RGS6: variants seen among roughly 807,000 people sequenced by gnomAD.
RGS6 encodes the protein regulator of G-protein signaling 6.
Under a neutral mutation model 78.5 loss-of-function variants are expected in RGS6, and 30 were observed. The observed-to-expected ratio is 0.38, with a 90% CI of 0.29 to 0.52. The LOEUF (loss-of-function observed/expected upper bound fraction) is 0.52. Ranked by LOEUF, RGS6 falls within the 20% of genes least tolerant of loss-of-function variation. The probability of loss-of-function intolerance (pLI) is 0.85; values close to 1 mark genes in which losing one functional copy is unlikely to be tolerated. For synonymous variants in RGS6, 206 were observed against 206.0 expected (o/e 1.00, Z 0.00); for missense variants, 495 against 609.7 (o/e 0.81, Z 1.98).
intron 2 of RGS6, among the ~76,000 whole-genome samples, chr14:72,160,656 T>G (rs1029328035): frequency 7.2e-5 from 11 of 152,286 alleles, no homozygotes; most frequent in Non-Finnish European, 1.6e-4. Flanking sequence ...GGTTGTTGTC[T>G]TTACAAGAAG....
intron 3 of RGS6, among the ~76,000 whole-genome samples, chr14:72,414,828 G>T (rs534662407): frequency 1.3e-5 from 2 of 152,336 alleles, no homozygotes; most frequent in East Asian, 1.9e-4. Flanking sequence ...TCCAGAGCCT[G>T]TTTACCTGCG....
chr14:72,337,629 G>A (rs539871836), intron 2 of RGS6, among the ~76,000 whole-genome samples: 273 of 152,258 alleles, frequency 1.8e-3, no homozygotes, highest in Admixed American at 4.0e-3. Flanking sequence ...ATGGGGCTGG[G>A]CCCAGGGGTT....
chr14:72,293,815 C>G (rs1290196226), intron 2 of RGS6, among the ~76,000 whole-genome samples: 2 of 152,216 alleles, frequency 1.3e-5, no homozygotes, highest in East Asian at 3.8e-4. Flanking sequence ...CGTATAGTCT[C>G]TGTAGCAACT....
At chr14:72,279,210 G>C (rs1158773774) in intron 2 of RGS6, among the ~76,000 whole-genome samples, 1 of 151,938 alleles carries the variant, frequency 6.6e-6, no homozygotes, top group Non-Finnish European at 1.5e-5. Context: ...GAACCTGTGA[G>C]GTTGGACTGA....
In RGS6 at chr14:72,038,530, G is replaced by GT. The variant is rs528985355; in HGVS notation, c.84+73662dup. ...TATCTTCCAATTTTGAACATAGTAT[G>GT]TTTTTTTCATTTATTTAGGTCCTCT... is the stretch of plus-strand genomic sequence containing the variant. On this transcript the variant is annotated intron_variant, in intron 2 of 17. Coordinates refer to ENST00000553525, the MANE Select transcript of RGS6 (RefSeq NM_001204424.2). Among the ~76,000 whole-genome samples, 25 of 151,714 alleles carry GT rather than the reference G, an allele frequency of 1.6e-4. No homozygotes were observed. In the East Asian group the frequency reaches 4.5e-3, roughly 27 times the overall value.
At chr14:72,058,898 CTTATTT>C (rs1243397120) in intron 2 of RGS6, among the ~76,000 whole-genome samples, 3 of 152,054 alleles carry the variant, frequency 2.0e-5, no homozygotes, top group African/African-American at 7.2e-5. Flanking sequence ...CACAGCTGCA[CTTATTT>C]TTATTTTTAT....
chr14:71,994,220 C>T (rs1469893991), intron 2 of RGS6, among the ~76,000 whole-genome samples: 2 of 151,996 alleles, frequency 1.3e-5, no homozygotes, highest in African/African-American at 4.8e-5. Flanking sequence ...GCCTCAGTCT[C>T]CCGCTGTTAG....
chr14:72,180,443 C>T (rs181797045), intron 2 of RGS6, among the ~76,000 whole-genome samples: 21 of 152,300 alleles, frequency 1.4e-4, no homozygotes, highest in Non-Finnish European at 2.5e-4. Flanking sequence ...AAGGCAACTT[C>T]GATCTTAACC....
At chr14:72,289,920 C>T (rs2063276450) in intron 2 of RGS6, among the ~76,000 whole-genome samples, 1 of 152,138 alleles carries the variant, frequency 6.6e-6, no homozygotes, top group African/African-American at 2.4e-5. Flanking sequence ...ATTGGTCTCT[C>T]CTTGTCAGAA....
chr14:72,571,552 G>T, the RGS6 span, among the ~76,000 whole-genome samples: 374 of 152,312 alleles, frequency 2.5e-3, 1 homozygote, highest in Non-Finnish European at 4.5e-3. Context: ...TAACAAGAGT[G>T]TCAAAACAAT....
intron 2 of RGS6, among the ~76,000 whole-genome samples, chr14:72,220,906 A>G (rs1029546435): frequency 2.6e-5 from 4 of 152,166 alleles, no homozygotes; most frequent in Non-Finnish European, 5.9e-5. Flanking sequence ...GGACCCTGAG[A>G]ATTAGAGTAG....
At chr14:72,200,877 G>A (rs2041348241) in intron 2 of RGS6, among the ~76,000 whole-genome samples, 1 of 150,652 alleles carries the variant, frequency 6.6e-6, no homozygotes, top group Admixed American at 6.6e-5. Context: ...ACGTGCCTAG[G>A]GAAATAGTCA....
chr14:72,467,639 G>A (rs2095956496), intron 7 of RGS6, among the ~76,000 whole-genome samples: 1 of 152,116 alleles, frequency 6.6e-6, no homozygotes, highest in African/African-American at 2.4e-5. Flanking sequence ...GGGTGCAGGG[G>A]GCCAGAAGAG....
At chr14:72,255,544 CTG>C (rs1324796983) in intron 2 of RGS6, among the ~76,000 whole-genome samples, 1 of 152,154 alleles carries the variant, frequency 6.6e-6, no homozygotes, top group Non-Finnish European at 1.5e-5. Flanking sequence ...TAGGCAGACT[CTG>C]AATTTGTTTT....
chr14:72,419,591 C>G (rs1055108893), intron 3 of RGS6, among the ~76,000 whole-genome samples: 10 of 152,200 alleles, frequency 6.6e-5, no homozygotes, highest in African/African-American at 2.2e-4. Context: ...GTTAATCAGC[C>G]ATTTCCTTGG....
chr14:72,492,893 A>G (rs2096596794), intron 12 of RGS6, among the ~76,000 whole-genome samples: 1 of 152,226 alleles, frequency 6.6e-6, no homozygotes, highest in Non-Finnish European at 1.5e-5. Flanking sequence ...CCACAGCAGT[A>G]GAGCTGAGTA....
At chr14:72,194,052 G>C (rs147474180) in intron 2 of RGS6, among the ~76,000 whole-genome samples, 1 of 152,218 alleles carries the variant, frequency 6.6e-6, no homozygotes, top group African/African-American at 2.4e-5. Context: ...GAGTAGGGCA[G>C]AGAGATCAGG....
chr14:72,419,935 C>T (rs1429611473), intron 3 of RGS6, among the ~76,000 whole-genome samples: 1 of 152,088 alleles, frequency 6.6e-6, no homozygotes, highest in African/African-American at 2.4e-5. Context: ...GTCCAATCTG[C>T]CCCCCTAAGG....
At chr14:72,587,302 T>C in the RGS6 span, among the ~76,000 whole-genome samples, 5 of 151,780 alleles carry the variant, frequency 3.3e-5, no homozygotes, top group African/African-American at 1.2e-4. Context: ...AACTGGAAAA[T>C]GGGACTGAGT....
Sources: gnomAD v4.1 joint callset for allele counts (sites outside exome capture counted in the v4.1 genomes callset) on GRCh38, gnomAD v4.1.1 for gene constraint, MANE v1.5 for transcripts, NCBI Gene and HGNC (gene_info 2026-07-23, HGNC 2026-07-21) for gene names.